The following CACNA2D3 variants were observed in gnomAD, a reference collection of about 807,000 sequenced individuals.
CACNA2D3 encodes voltage-dependent calcium channel subunit alpha-2/delta-3.
A neutral mutation model predicts 160.6 loss-of-function variants in CACNA2D3; 60 were observed. That is an observed-to-expected ratio of 0.37 (90% CI 0.30 to 0.46). The LOEUF (loss-of-function observed/expected upper bound fraction) is 0.46, where lower values mean the gene tolerates loss of function less well. Among genes scored for constraint, CACNA2D3 ranks in the 20% least tolerant of loss-of-function variants. The pLI is 1.00. For missense variants in CACNA2D3, 1,205 were observed against 1,365.0 expected (o/e 0.88, Z 1.85); for synonymous variants, 558 against 492.9 (o/e 1.13, Z -1.75).
chr3:54,991,632 A>G (rs1049438885), intron 31 of CACNA2D3, among the ~76,000 whole-genome samples: 1 of 148,158 alleles, frequency 6.7e-6, no homozygotes, highest in Non-Finnish European at 1.5e-5. Context: ...AAGGGAGAAA[A>G]TACAGCCTGT....
At chr3:54,780,786 A>G (rs1320959407) in intron 13 of CACNA2D3, among the ~76,000 whole-genome samples, 1 of 152,218 alleles carries the variant, frequency 6.6e-6, no homozygotes, top group East Asian at 1.9e-4. Context: ...ATGAATTAGC[A>G]TTTCAACTTT....
At chr3:54,262,967 G>A (rs537018315) in intron 2 of CACNA2D3, among the ~76,000 whole-genome samples, 4 of 152,122 alleles carry the variant, frequency 2.6e-5, no homozygotes, top group South Asian at 2.1e-4. Context: ...ATCAGGATTC[G>A]GCTCTTGTTG....
intron 11 of CACNA2D3, among the ~76,000 whole-genome samples, chr3:54,733,212 T>C (rs922969328): frequency 6.6e-6 from 1 of 152,244 alleles, no homozygotes; most frequent in African/African-American, 2.4e-5. Flanking sequence ...GTAATCTTAA[T>C]GTAAACAGGC....
intron 2 of CACNA2D3, among the ~76,000 whole-genome samples, chr3:54,241,438 C>T (rs1701972311): frequency 6.6e-6 from 1 of 152,212 alleles, no homozygotes; most frequent in African/African-American, 2.4e-5. Flanking sequence ...AAACCCAGGC[C>T]ATCTGGCTCC....
chr3:55,016,750 C>T (rs1189563910), intron 34 of CACNA2D3, among the ~76,000 whole-genome samples: 1 of 152,218 alleles, frequency 6.6e-6, no homozygotes, highest in East Asian at 1.9e-4. Flanking sequence ...AGTCTACTTC[C>T]TTTTGTTTTA....
chr3:54,649,147 C>G (rs1699710884), intron 11 of CACNA2D3, among the ~76,000 whole-genome samples: 1 of 152,192 alleles, frequency 6.6e-6, no homozygotes, highest in African/African-American at 2.4e-5. Flanking sequence ...GCGGCCCTTT[C>G]TCCTTTTCCC....
intron 2 of CACNA2D3, among the ~76,000 whole-genome samples, chr3:54,151,666 A>G (rs1700154420): frequency 6.6e-6 from 1 of 152,052 alleles, no homozygotes; most frequent in South Asian, 2.1e-4. Context: ...ATGCTGAGAG[A>G]ATGATGTGTC....
chr3:54,192,802 C>A (rs1405447928), intron 2 of CACNA2D3, among the ~76,000 whole-genome samples: 1 of 152,174 alleles, frequency 6.6e-6, no homozygotes, highest in East Asian at 1.9e-4. Context: ...AATGGCACTG[C>A]AGCTGGTGCA....
intron 3 of CACNA2D3, among the ~76,000 whole-genome samples, chr3:54,324,297 C>G (rs143519612): frequency 5.1e-4 from 78 of 152,300 alleles, no homozygotes; most frequent in Non-Finnish European, 7.5e-4. Flanking sequence ...TTGAATTACT[C>G]TCCACTATGC....
At chr3:54,364,069 G>A (rs1698788891) in intron 3 of CACNA2D3, among the ~76,000 whole-genome samples, 1 of 152,198 alleles carries the variant, frequency 6.6e-6, no homozygotes, top group Non-Finnish European at 1.5e-5. Flanking sequence ...CTGAGCCCCT[G>A]CAGGTGGGTT....
At chr3:54,273,604 G>C (rs543710863) in intron 2 of CACNA2D3, among the ~76,000 whole-genome samples, 40 of 152,288 alleles carry the variant, frequency 2.6e-4, no homozygotes, top group Middle Eastern at 6.8e-3. Flanking sequence ...CTGAAGTGCA[G>C]GCAATTTACT....
chr3:54,464,068 G>A (rs1700562431), intron 4 of CACNA2D3, among the ~76,000 whole-genome samples: 1 of 152,188 alleles, frequency 6.6e-6, no homozygotes, highest in Non-Finnish European at 1.5e-5. Context: ...TACCAGCAGC[G>A]GTGGCTGCAG....
At chr3:54,552,884 A>G (rs940770779) in intron 5 of CACNA2D3, among the ~76,000 whole-genome samples, 1 of 152,250 alleles carries the variant, frequency 6.6e-6, no homozygotes, top group Non-Finnish European at 1.5e-5. Flanking sequence ...GAAAATTCTA[A>G]TCATTCACCT....
At chr3:54,714,704 C>A (rs923709365) in intron 11 of CACNA2D3, among the ~76,000 whole-genome samples, 25 of 152,178 alleles carry the variant, frequency 1.6e-4, no homozygotes, top group Non-Finnish European at 8.8e-5. Flanking sequence ...CATGTACACT[C>A]ATGGTCACGA....
chr3:54,483,309 A>G (rs950495303), intron 4 of CACNA2D3, among the ~76,000 whole-genome samples: 6 of 152,118 alleles, frequency 3.9e-5, no homozygotes, highest in Non-Finnish European at 7.4e-5. Context: ...TTTTGACCCT[A>G]AAGGCTTCTA....
intron 29 of CACNA2D3, among the ~76,000 whole-genome samples, chr3:54,983,549 G>A (rs1575421493): frequency 6.6e-6 from 1 of 152,192 alleles, no homozygotes; most frequent in East Asian, 1.9e-4. Context: ...AAGCTCTGCT[G>A]TTCACCAGAG....
intron 4 of CACNA2D3, among the ~76,000 whole-genome samples, chr3:54,425,419 C>G (rs926888665): frequency 6.6e-6 from 1 of 152,322 alleles, no homozygotes. Context: ...AATTCTTAGG[C>G]AAGTTACTAA....
chr3:54,628,121 A>C (rs948007463), intron 10 of CACNA2D3, among the ~76,000 whole-genome samples: 3 of 152,106 alleles, frequency 2.0e-5, no homozygotes, highest in Non-Finnish European at 4.4e-5. Context: ...AGTCCCAGCT[A>C]CTCGGGAGGT....
At chr3:54,884,995 C>G (rs556371243) in intron 21 of CACNA2D3, among the ~76,000 whole-genome samples, 93 of 152,296 alleles carry the variant, frequency 6.1e-4, no homozygotes, top group African/African-American at 2.1e-3. Context: ...TCCCTCCGGA[C>G]TCATTTGTGT....
Sources: gnomAD v4.1 joint callset for allele counts (sites outside exome capture counted in the v4.1 genomes callset) on GRCh38, gnomAD v4.1.1 for gene constraint, MANE v1.5 for transcripts, NCBI Gene and HGNC (gene_info 2026-07-23, HGNC 2026-07-21) for gene names.